Variants in RAB11FIP4 observed in about 807,000 individuals in gnomAD.
The protein encoded by RAB11FIP4 is RAB11 family interacting protein 4.
In RAB11FIP4, 23 loss-of-function variants were observed where a neutral mutation model predicts 74.3. The observed-to-expected ratio is 0.31, with a 90% CI of 0.22 to 0.44. The LOEUF (loss-of-function observed/expected upper bound fraction) is 0.44. Among genes scored for constraint, RAB11FIP4 ranks in the 20% least tolerant of loss-of-function variants. The pLI, the probability that RAB11FIP4 is intolerant of heterozygous loss-of-function variation, is 1.00. For missense variants in RAB11FIP4, 630 were observed against 863.9 expected (o/e 0.73, Z 3.39); for synonymous variants, 360 against 359.9 (o/e 1.00, Z 0.00).
intron 1 of RAB11FIP4, among the ~76,000 whole-genome samples, chr17:31,405,374 C>CTT (rs778461559): frequency 4.8e-5 from 7 of 146,572 alleles, no homozygotes; most frequent in East Asian, 2.0e-4. Context: ...GGCAGCTGAT[C>CTT]TTTTTTTTTT....
chr17:31,411,397 C>T (rs912887856), intron 1 of RAB11FIP4, among the ~76,000 whole-genome samples: 4 of 152,102 alleles, frequency 2.6e-5, no homozygotes, highest in African/African-American at 7.2e-5. Context: ...AACAAAACAA[C>T]CTCGCTTTCC....
chr17:31,517,613 T>C (rs1347867972), intron 3 of RAB11FIP4, 38 bp from the exon 4 acceptor site: 1 of 1,542,350 alleles, frequency 6.5e-7, no homozygotes, highest in East Asian at 2.4e-5. Flanking sequence ...CCTGGGAAGC[T>C]GGCCTCACTT....
At chr17:31,497,809 G>A (rs1057252622) in intron 3 of RAB11FIP4, among the ~76,000 whole-genome samples, 3 of 152,152 alleles carry the variant, frequency 2.0e-5, no homozygotes, top group African/African-American at 7.2e-5. Context: ...TTAAGAGCAG[G>A]TGATGGTTTT....
chr17:31,453,900 G>T (rs2071552091), intron 3 of RAB11FIP4, among the ~76,000 whole-genome samples: 1 of 152,044 alleles, frequency 6.6e-6, no homozygotes, highest in African/African-American at 2.4e-5. Context: ...TAGATTGTGA[G>T]ACATATCATG....
chr17:31,468,546 T>G (rs148122369), intron 3 of RAB11FIP4, among the ~76,000 whole-genome samples: 38 of 152,248 alleles, frequency 2.5e-4, no homozygotes, highest in African/African-American at 8.9e-4. Flanking sequence ...GTAAAGAATT[T>G]CTGGCTGGGC....
chr17:31,413,408 C>G (rs902369483), intron 1 of RAB11FIP4, among the ~76,000 whole-genome samples: 1 of 152,110 alleles, frequency 6.6e-6, no homozygotes, highest in Non-Finnish European at 1.5e-5. Flanking sequence ...ACGGAGGGCA[C>G]GGAGGGAGCT....
chr17:31,474,322 G>A (rs1404955061), intron 3 of RAB11FIP4, among the ~76,000 whole-genome samples: 1 of 152,172 alleles, frequency 6.6e-6, no homozygotes, highest in Non-Finnish European at 1.5e-5. Context: ...CACAGAGCAT[G>A]CCAACCTTGA....
intron 3 of RAB11FIP4, among the ~76,000 whole-genome samples, chr17:31,481,267 A>G (rs2071846225): frequency 6.6e-6 from 1 of 152,106 alleles, no homozygotes; most frequent in Non-Finnish European, 1.5e-5. Flanking sequence ...CCACCGTGAC[A>G]TTCGGATTAG....
At chr17:31,441,686 C>T (rs549181039) in intron 3 of RAB11FIP4, among the ~76,000 whole-genome samples, 1 of 151,822 alleles carries the variant, frequency 6.6e-6, no homozygotes, top group African/African-American at 2.4e-5. Context: ...CACGACCATG[C>T]CTGGCTAATT....
chr17:31,410,525 C>T (rs2151619048), intron 1 of RAB11FIP4, among the ~76,000 whole-genome samples: 1 of 152,060 alleles, frequency 6.6e-6, no homozygotes, highest in Admixed American at 6.6e-5. Flanking sequence ...ACCATCCTGG[C>T]CAACATGGTG....
chr17:31,436,061 T>TG (rs1167676622), intron 3 of RAB11FIP4, among the ~76,000 whole-genome samples: 1 of 151,974 alleles, frequency 6.6e-6, no homozygotes, highest in South Asian at 2.1e-4. Context: ...GGAACTTTGC[T>TG]GGGGGGGCCC....
chr17:31,534,032 G>T lies in RAB11FIP4; in HGVS notation c.*2300G>T, dbSNP rs1281288258. On this transcript the variant is annotated 3_prime_UTR_variant, in exon 15 of 15. Transcript: ENST00000621161. ...TGTATGTTTGTAAAAATATTCTTCT[G>T]GGCTCAAAAGCTAGCTTGAGGGGGC... 6.6e-6 allele frequency: 1 copy of T among 152,132 alleles called. No individual in the cohort carries two copies. Among genetic ancestry groups the T allele is most frequent in the Non-Finnish European group, 1.5e-5 (1 of 68,016 alleles). 9.4% of individuals were successfully genotyped at this position (152,132 alleles called of 1,614,324 possible).
chr17:31,516,796 G>A (rs1344834870), intron 3 of RAB11FIP4, among the ~76,000 whole-genome samples: 2 of 152,216 alleles, frequency 1.3e-5, no homozygotes, highest in Non-Finnish European at 2.9e-5. Context: ...ACACTCCACG[G>A]GATGGGAGCA....
chr17:31,489,954 ATGACCTT>A (rs2071976110), intron 3 of RAB11FIP4, among the ~76,000 whole-genome samples: 1 of 152,192 alleles, frequency 6.6e-6, no homozygotes, highest in African/African-American at 2.4e-5. Flanking sequence ...GCTGGAAGGC[ATGACCTT>A]TGCCCTAAGG....
chr17:31,402,725 C>T (rs1189403604), intron 1 of RAB11FIP4, among the ~76,000 whole-genome samples: 1 of 151,486 alleles, frequency 6.6e-6, no homozygotes, highest in Non-Finnish European at 1.5e-5. Flanking sequence ...AGGTTCACGC[C>T]ATTCTCCTGC....
chr17:31,525,238 C>A lies in RAB11FIP4; in HGVS notation c.1274+8C>A. 1 of 1,541,386 alleles carries A rather than the reference C, an allele frequency of 6.5e-7. No individual in the cohort carries two copies. Among genetic ancestry groups the A allele is most frequent in the Non-Finnish European group, 8.7e-7 (1 of 1,143,244 alleles). On this transcript the variant is annotated splice_region_variant and intron_variant, in intron 10 of 14. Transcript: ENST00000621161. ...GGAGCTGCTCAATGCCAGGTGGGCCCCTCCACCGAGCCCCCTCCCTCAGAG... is the reference window on the plus strand; with the variant it reads ...GGAGCTGCTCAATGCCAGGTGGGCCACTCCACCGAGCCCCCTCCCTCAGAG...
chr17:31,521,764 A>G, intron 5 of RAB11FIP4, 151 bp from the exon 6 acceptor site: 1 of 820,232 alleles, frequency 1.2e-6, no homozygotes, highest in East Asian at 2.7e-5. Flanking sequence ...TGGAGAAGGG[A>G]TGATCTGTTG....
At chr17:31,521,881 G>T in intron 5 of RAB11FIP4, 34 bp from the exon 6 acceptor site, 1 of 1,613,552 alleles carries the variant, frequency 6.2e-7, no homozygotes, top group Non-Finnish European at 8.5e-7. Context: ...CTGGACAGCA[G>T]TTAAGGTGGT....
In RAB11FIP4 at chr17:31,503,847, G is replaced by C. The variant is rs2072267090; in HGVS notation, c.337-13804G>C. On this transcript the variant is annotated intron_variant, in intron 3 of 14. Transcript: ENST00000621161. The stretch of plus-strand genomic sequence containing the variant: ...TTTCATATTCTTTTAAGTAGAGCCA[G>C]ACCTGTCAGGAAAAAGCGAATAAAC... Among the ~76,000 whole-genome samples, 7 of 149,610 alleles carry C rather than the reference G, an allele frequency of 4.7e-5. No homozygotes were observed. In the South Asian group the frequency reaches 1.4e-3, roughly 31 times the overall value.
Sources: gnomAD v4.1 joint callset for allele counts (sites outside exome capture counted in the v4.1 genomes callset) on GRCh38, gnomAD v4.1.1 for gene constraint, MANE v1.5 for transcripts, NCBI Gene and HGNC (gene_info 2026-07-23, HGNC 2026-07-21) for gene names.